LRP6: variants seen among roughly 807,000 people sequenced by gnomAD.
LRP6 encodes low-density lipoprotein receptor-related protein 6.
In LRP6, 43 loss-of-function variants were observed where a neutral mutation model predicts 184.1. That is an observed-to-expected ratio of 0.23 (90% confidence interval 0.18 to 0.30). The LOEUF is 0.30. LRP6 is among the 10% of genes least tolerant of loss of function. The probability of loss-of-function intolerance (pLI) is 1.00; values close to 1 mark genes in which losing one functional copy is unlikely to be tolerated. For missense variants in LRP6, 1,571 were observed against 2,005.3 expected, an observed-to-expected ratio of 0.78 and a Z score of 4.14; for synonymous variants, 719 against 684.9, an observed-to-expected ratio of 1.05 and a Z score of -0.78.
In LRP6 at chr12:12,126,802, G is replaced by A. The variant is rs778645683; in HGVS notation, c.4201C>T (p.Arg1401Cys). The part of the protein sequence containing the change: ...YFICQRMLCP[R>C]MKGDGETMTN... ...ATAGTTTCCCCATCTCCCTTCATAC[G>A]TGGACACAACATCCTCTGGCAGATA... Residue 1401 changes from arginine to cysteine, a missense_variant, in exon 20 of 23, where the codon CGT becomes TGT. Coordinates refer to ENST00000261349, the MANE Select transcript of LRP6 (RefSeq NM_002336.3). 4.3e-6 allele frequency: 7 copies of A among 1,613,982 alleles called. No individual in the cohort carries two copies. The highest frequency in any genetic ancestry group is 1.1e-5 in the South Asian group (1 of 91,076).
At chr12:12,261,834 C>T (rs1322684475) in intron 1 of LRP6, among the ~76,000 whole-genome samples, 1 of 152,148 alleles carries the variant, frequency 6.6e-6, no homozygotes, top group Non-Finnish European at 1.5e-5. Context: ...AAGAAAGGAT[C>T]GCTTCTACAG....
At chr12:12,257,981 A>C (rs918667098) in intron 1 of LRP6, among the ~76,000 whole-genome samples, 1 of 151,728 alleles carries the variant, frequency 6.6e-6, no homozygotes, top group Admixed American at 6.6e-5. Flanking sequence ...AAAAAAAAAA[A>C]AAACTAATTA....
At chr12:12,178,651 T>C (rs2136984266) in intron 7 of LRP6, among the ~76,000 whole-genome samples, 1 of 152,300 alleles carries the variant, frequency 6.6e-6, no homozygotes, top group Admixed American at 6.5e-5. Context: ...TCATCAGCAA[T>C]GCACTCCAAC....
intron 2 of LRP6, among the ~76,000 whole-genome samples, chr12:12,212,718 T>C (rs1864243731): frequency 6.6e-6 from 1 of 152,254 alleles, no homozygotes; most frequent in South Asian, 2.1e-4. Flanking sequence ...TATGCTTCAC[T>C]GACTTTTTCA....
intron 3 of LRP6, among the ~76,000 whole-genome samples, chr12:12,200,013 C>G (rs1418288506): frequency 7.0e-6 from 1 of 143,104 alleles, no homozygotes; most frequent in Non-Finnish European, 1.5e-5. Flanking sequence ...CTCTTCTCAT[C>G]CAGAGGTATA....
intron 1 of LRP6, among the ~76,000 whole-genome samples, chr12:12,258,384 G>T (rs752950381): frequency 6.6e-6 from 1 of 152,170 alleles, no homozygotes; most frequent in African/African-American, 2.4e-5. Flanking sequence ...TTACAGGTGT[G>T]AGCCACCATG....
At chr12:12,234,287 C>CAA (rs552408054) in intron 2 of LRP6, among the ~76,000 whole-genome samples, 6 of 140,872 alleles carry the variant, frequency 4.3e-5, no homozygotes, top group East Asian at 2.0e-4. Flanking sequence ...AACTCCATCT[C>CAA]AAAAAAAAAA....
At chr12:12,248,620 T>C (rs1865247527) in intron 1 of LRP6, among the ~76,000 whole-genome samples, 1 of 151,502 alleles carries the variant, frequency 6.6e-6, no homozygotes, top group Non-Finnish European at 1.5e-5. Flanking sequence ...TAGCTGGGAC[T>C]ACAGGCGCCC....
intron 15 of LRP6, among the ~76,000 whole-genome samples, chr12:12,145,285 G>A (rs1949987945): frequency 6.6e-6 from 1 of 151,864 alleles, no homozygotes; most frequent in Admixed American, 6.6e-5. Flanking sequence ...TCTGGAATCA[G>A]AGAATACATA....
Position 12,266,934 on chromosome 12 carries a change from C to CG in LRP6, c.-200_-199insC. On this transcript the variant is annotated 5_prime_UTR_variant, in exon 1 of 23. An upstream open reading frame in the 5' UTR loses its in-frame stop. Coordinates refer to ENST00000261349, the MANE Select transcript of LRP6 (RefSeq NM_002336.3). ...CTCTACCGCGCCGCTCGGCCCCGGG[C>CG]TCGCGCGACGCCAGCGTCTGCTTCC... The CG allele has an allele frequency of 1.7e-6, 1 of 586,872 alleles. No homozygotes were observed. The highest frequency in any genetic ancestry group is 3.0e-6 in the Non-Finnish European group (1 of 333,488). 36.4% of individuals were successfully genotyped at this position (586,872 alleles called of 1,614,324 possible).
chr12:12,198,115 C>T (rs1322720345), intron 3 of LRP6, among the ~76,000 whole-genome samples: 1 of 152,228 alleles, frequency 6.6e-6, no homozygotes, highest in East Asian at 1.9e-4. Context: ...GGCAGGGTTT[C>T]ACCATGTTGG....
At chr12:12,252,838 T>C (rs1265463607) in intron 1 of LRP6, among the ~76,000 whole-genome samples, 1 of 152,240 alleles carries the variant, frequency 6.6e-6, no homozygotes, top group East Asian at 1.9e-4. Flanking sequence ...TATACATATA[T>C]ACATTCTTGA....
At chr12:12,184,395 A>AACAT (rs1156347740) in intron 4 of LRP6, among the ~76,000 whole-genome samples, 1 of 104,420 alleles carries the variant, frequency 9.6e-6, no homozygotes, top group Non-Finnish European at 2.1e-5. Flanking sequence ...ACTAAAAACA[A>AACAT]ACAAACAAAC....
chr12:12,237,961 C>T (rs1238613606), intron 2 of LRP6, among the ~76,000 whole-genome samples: 1 of 152,128 alleles, frequency 6.6e-6, no homozygotes, highest in Admixed American at 6.6e-5. Flanking sequence ...TATGGTTATA[C>T]AAAATGTCAA....
At position 12,164,575 on chromosome 12, in the gene LRP6, T is replaced by C. The variant is rs1224096294; in HGVS notation, c.1763-13A>G. 2 of 1,613,546 alleles carry C rather than the reference T, an allele frequency of 1.2e-6. No individual in the cohort carries two copies. Among genetic ancestry groups the C allele is most frequent in the East Asian group, 2.2e-5 (1 of 44,888 alleles). On this transcript the variant is annotated splice_polypyrimidine_tract_variant and intron_variant, in intron 8 of 22. Transcript: ENST00000261349. ...CAGGGGTTGGAACCTAAAAGATTAATTATAAAAGGGGCACAGAAGGACACA... is the reference window on the plus strand; with the variant it reads ...CAGGGGTTGGAACCTAAAAGATTAACTATAAAAGGGGCACAGAAGGACACA...
chr12:12,121,393 A>G lies in LRP6; in HGVS notation c.4575T>C (p.Phe1525=). 1 of 1,614,178 alleles carries G rather than the reference A, an allele frequency of 6.2e-7. No individual in the cohort carries two copies. The part of the protein sequence containing the change: ...YSYRPYSYRH[F]APPTTPCSTD... Reference sequence around the variant, plus strand: ...TGCTGCAGGGTGTGGTGGGGGGTGCAAAGTGCCGGTAGCTATATGGCCTGT... The same window carrying G: ...TGCTGCAGGGTGTGGTGGGGGGTGCGAAGTGCCGGTAGCTATATGGCCTGT... The change falls in exon 23 of 23, where the codon TTT becomes TTC. Residue 1525 remains phenylalanine, a synonymous_variant. Coordinates refer to ENST00000261349, the MANE Select transcript of LRP6 (RefSeq NM_002336.3).
intron 1 of LRP6, among the ~76,000 whole-genome samples, chr12:12,251,620 G>C (rs915374286): frequency 1.3e-5 from 2 of 151,712 alleles, no homozygotes; most frequent in Non-Finnish European, 2.9e-5. Flanking sequence ...CACCCACCTC[G>C]ACCTCCCAAA....
At chr12:12,135,381 AC>A (rs1485822362) in intron 16 of LRP6, 81 bp from the exon 17 acceptor site, 1 of 893,496 alleles carries the variant, frequency 1.1e-6, no homozygotes, top group Non-Finnish European at 1.8e-6. Context: ...AAAAGGGACA[AC>A]CCTGTCAAAA....
rs116856709 is a variant in LRP6, at chr12:12,201,035, T to C, written c.647+2168A>G. On this transcript the variant is annotated intron_variant, in intron 3 of 22. Transcript: ENST00000261349. Reference sequence around the variant, plus strand: ...CGTAAAATTAGTGTTCCTGAACTTTTAAAATAATGTAGAGTTCAAGGTAGT... The same window carrying C: ...CGTAAAATTAGTGTTCCTGAACTTTCAAAATAATGTAGAGTTCAAGGTAGT... Among the ~76,000 whole-genome samples the C allele has an allele frequency of 3.1e-4, 47 of 152,328 alleles. 1 individual carries two copies. The East Asian group carries it at 8.5e-3, about 28-fold the overall frequency.
Sources: allele counts gnomAD v4.1 joint callset (sites outside exome capture counted in the v4.1 genomes callset), GRCh38; gene constraint gnomAD v4.1.1; transcripts MANE v1.5; gene names NCBI Gene and HGNC (gene_info 2026-07-23, HGNC 2026-07-21).